The following HEMK2 variants were observed in gnomAD, a reference collection of about 807,000 sequenced individuals.
HEMK2 encodes the protein HemK methyltransferase 2, ETF1 glutamine and histone H4 lysine.
At chr21:28,697,035 G>T in the HEMK2 span, among the ~76,000 whole-genome samples, 1 of 152,174 alleles carries the variant, frequency 6.6e-6, no homozygotes, top group African/African-American at 2.4e-5. Context: ...AGGCCTTCAG[G>T]CCTGTAAGGT....
At chr21:28,593,520 C>T in the HEMK2 span, among the ~76,000 whole-genome samples, 1 of 152,216 alleles carries the variant, frequency 6.6e-6, no homozygotes, top group South Asian at 2.1e-4. Context: ...TTCTTCAATA[C>T]AAACAAACAT....
chr21:28,852,536 A>G, the HEMK2 span, among the ~76,000 whole-genome samples: 1 of 152,292 alleles, frequency 6.6e-6, no homozygotes, highest in East Asian at 1.9e-4. Flanking sequence ...CATTTCCCCA[A>G]TCCACAGTTG....
At chr21:28,655,865 G>T in the HEMK2 span, among the ~76,000 whole-genome samples, 1 of 151,902 alleles carries the variant, frequency 6.6e-6, no homozygotes, top group Non-Finnish European at 1.5e-5. Context: ...ATTTATATAA[G>T]AAATAATTAC....
the HEMK2 span, among the ~76,000 whole-genome samples, chr21:28,833,001 AG>A: frequency 6.6e-6 from 1 of 152,224 alleles, no homozygotes; most frequent in African/African-American, 2.4e-5. Context: ...ACAACCTAGT[AG>A]GTCGGCATTT....
At chr21:28,593,128 G>A in the HEMK2 span, among the ~76,000 whole-genome samples, 2 of 152,242 alleles carry the variant, frequency 1.3e-5, no homozygotes, top group Non-Finnish European at 2.9e-5. Context: ...CCCGGGAGGT[G>A]GAGGTTGCAG....
At chr21:28,826,353 G>A in the HEMK2 span, among the ~76,000 whole-genome samples, 1 of 152,184 alleles carries the variant, frequency 6.6e-6, no homozygotes, top group Non-Finnish European at 1.5e-5. Context: ...AATAAGCTAA[G>A]TGGAATGAAC....
At chr21:28,812,001 G>A in the HEMK2 span, among the ~76,000 whole-genome samples, 1 of 152,152 alleles carries the variant, frequency 6.6e-6, no homozygotes, top group Non-Finnish European at 1.5e-5. Context: ...AAATCCTAAG[G>A]TCCAGATGTG....
At chr21:28,619,123 A>G in the HEMK2 span, among the ~76,000 whole-genome samples, 226 of 152,278 alleles carry the variant, frequency 1.5e-3, no homozygotes, top group Admixed American at 2.4e-3. Flanking sequence ...GGCCATCTAC[A>G]TGCCAAGGAG....
chr21:28,795,121 A>C, the HEMK2 span, among the ~76,000 whole-genome samples: 1 of 152,374 alleles, frequency 6.6e-6, no homozygotes, highest in Non-Finnish European at 1.5e-5. Flanking sequence ...TCTTTGTTGA[A>C]TTAATTCCAT....
chr21:28,622,647 A>T, the HEMK2 span, among the ~76,000 whole-genome samples: 1 of 152,200 alleles, frequency 6.6e-6, no homozygotes, highest in Admixed American at 6.5e-5. Flanking sequence ...TAGAAAATGG[A>T]ACAGAACAGA....
At chr21:28,753,399 A>G in the HEMK2 span, among the ~76,000 whole-genome samples, 1 of 151,274 alleles carries the variant, frequency 6.6e-6, no homozygotes, top group South Asian at 2.1e-4. Context: ...ACATGTTTAC[A>G]TTTTTCCAGA....
the HEMK2 span, among the ~76,000 whole-genome samples, chr21:28,800,591 A>T: frequency 6.8e-4 from 103 of 152,274 alleles, no homozygotes; most frequent in Non-Finnish European, 1.3e-3. Context: ...GTGTATGTAA[A>T]TATATATTGT....
the HEMK2 span, among the ~76,000 whole-genome samples, chr21:28,615,400 G>GTC: frequency 5.1e-4 from 73 of 143,480 alleles, no homozygotes; most frequent in African/African-American, 8.7e-4. Context: ...CTCTGTCGCT[G>GTC]TCTCTCTCTC....
At chr21:28,860,443 T>C in the HEMK2 span, among the ~76,000 whole-genome samples, 1 of 149,722 alleles carries the variant, frequency 6.7e-6, no homozygotes, top group Non-Finnish European at 1.5e-5. Context: ...TAAACTCCCC[T>C]TTATATATAC....
the HEMK2 span, among the ~76,000 whole-genome samples, chr21:28,623,857 A>G: frequency 6.6e-6 from 1 of 152,192 alleles, no homozygotes. Flanking sequence ...TAGGAGAGGG[A>G]TAGCATTATG....
At chr21:28,621,896 C>G in the HEMK2 span, among the ~76,000 whole-genome samples, 1 of 152,196 alleles carries the variant, frequency 6.6e-6, no homozygotes. Flanking sequence ...GCTCAGGGGC[C>G]TGACAGCTGC....
At chr21:28,779,342 T>G in the HEMK2 span, among the ~76,000 whole-genome samples, 11 of 152,204 alleles carry the variant, frequency 7.2e-5, no homozygotes, top group Admixed American at 1.3e-4. Flanking sequence ...GAGGATATCA[T>G]GAGGAGTGAA....
chr21:28,806,417 G>T, the HEMK2 span, among the ~76,000 whole-genome samples: 3 of 152,038 alleles, frequency 2.0e-5, no homozygotes, highest in Non-Finnish European at 4.4e-5. Context: ...AACCTGATAC[G>T]GATTAAACTG....
At chr21:28,605,295 G>A in the HEMK2 span, among the ~76,000 whole-genome samples, 2 of 152,184 alleles carry the variant, frequency 1.3e-5, no homozygotes, top group African/African-American at 2.4e-5. Flanking sequence ...TATTGAAAGC[G>A]GAAGAAGAAC....
Sources: allele counts gnomAD v4.1 joint callset (sites outside exome capture counted in the v4.1 genomes callset), GRCh38; gene constraint gnomAD v4.1.1; transcripts MANE v1.5; gene names NCBI Gene and HGNC (gene_info 2026-07-23, HGNC 2026-07-21).